ERICH2: variants seen among roughly 807,000 people sequenced by gnomAD.
ERICH2 encodes glutamate-rich protein 2.
In ERICH2, 17 loss-of-function variants were observed where a neutral mutation model predicts 17.4. That is an observed-to-expected ratio of 0.98 (90% CI 0.67 to 1.47). The LOEUF (loss-of-function observed/expected upper bound fraction) is 1.47, where lower values mean the gene tolerates loss of function less well. ERICH2 is among the 40% of genes most tolerant of loss of function. The pLI is 0.00. For missense variants in ERICH2, 186 were observed against 183.2 expected, an observed-to-expected ratio of 1.01 and a Z score of -0.09; for synonymous variants, 51 against 61.1, an observed-to-expected ratio of 0.83 and a Z score of 0.77.
intron 3 of ERICH2, among the ~76,000 whole-genome samples, chr2:170,795,844 A>G (rs1575412408): frequency 6.6e-6 from 1 of 152,200 alleles, no homozygotes; most frequent in Non-Finnish European, 1.5e-5. Flanking sequence ...GAGATTCTCT[A>G]CATAATACAT....
the ERICH2 span, chr2:170,775,712 A>G: frequency 6.5e-6 from 1 of 153,012 alleles, no homozygotes; most frequent in East Asian, 1.9e-4. Context: ...GATAGACTTT[A>G]GTCCTCTGTG....
intron 2 of ERICH2, among the ~76,000 whole-genome samples, chr2:170,788,888 T>C (rs1701216958): frequency 6.6e-6 from 1 of 152,222 alleles, no homozygotes; most frequent in African/African-American, 2.4e-5. Context: ...ATTTGCTTTA[T>C]CTTTCTCTTT....
chr2:170,782,086 G>A (rs886253240), upstream of ERICH2, among the ~76,000 whole-genome samples: 2 of 151,812 alleles, frequency 1.3e-5, no homozygotes, highest in African/African-American at 4.8e-5. Flanking sequence ...AAAATAATTT[G>A]TAATGCTTTT....
chr2:170,796,384 G>A (rs1173777658), intron 3 of ERICH2, among the ~76,000 whole-genome samples: 1 of 151,086 alleles, frequency 6.6e-6, no homozygotes, highest in Non-Finnish European at 1.5e-5. Flanking sequence ...AGCCAATGGG[G>A]TCTAATTGAA....
intron 3 of ERICH2, among the ~76,000 whole-genome samples, chr2:170,796,807 C>T (rs1701436809): frequency 1.3e-5 from 2 of 151,908 alleles, no homozygotes; most frequent in Non-Finnish European, 2.9e-5. Flanking sequence ...TTGGAGGCCA[C>T]CAAGATATTG....
chr2:170,782,333 T>G, upstream of ERICH2: 4 of 979,674 alleles, frequency 4.1e-6, no homozygotes, highest in Non-Finnish European at 4.9e-6. Context: ...AGTAAAGATA[T>G]CTTAACAAAT....
chr2:170,776,593 G>T, the ERICH2 span, among the ~76,000 whole-genome samples: 1 of 152,060 alleles, frequency 6.6e-6, no homozygotes, highest in Non-Finnish European at 1.5e-5. Context: ...GGTCAGGTTG[G>T]TCTCGAACTC....
chr2:170,776,055 G>GC, the ERICH2 span, among the ~76,000 whole-genome samples: 1 of 151,320 alleles, frequency 6.6e-6, no homozygotes, highest in Non-Finnish European at 1.5e-5. Flanking sequence ...AAGTGTGGCC[G>GC]CTCCCATACT....
the ERICH2 span, among the ~76,000 whole-genome samples, chr2:170,774,440 G>A: frequency 6.6e-6 from 1 of 152,092 alleles, no homozygotes; most frequent in African/African-American, 2.4e-5. Context: ...GTGGCACCAT[G>A]GTGATCCCCA....
At chr2:170,784,826 T>C in exon 2 of ERICH2, 4 of 1,467,210 alleles carry the variant, frequency 2.7e-6, no homozygotes, top group Non-Finnish European at 3.6e-6. Flanking sequence ...CTAGAGTTAA[T>C]GGCAGAAGTA....
chr2:170,796,452 T>TTTTC (rs373654461), intron 3 of ERICH2, among the ~76,000 whole-genome samples: 20 of 138,382 alleles, frequency 1.4e-4, no homozygotes, highest in South Asian at 7.3e-4. Context: ...TTTTTTTTTT[T>TTTTC]TGAGACAGCG....
intron 2 of ERICH2, among the ~76,000 whole-genome samples, chr2:170,785,515 A>G (rs1008074739): frequency 1.3e-5 from 2 of 152,148 alleles, no homozygotes; most frequent in Non-Finnish European, 2.9e-5. Flanking sequence ...TAAATAAGAG[A>G]GACATGTCTC....
chr2:170,794,096 CCTTT>C lies in ERICH2; in HGVS notation c.274+1185_274+1188del, dbSNP rs199952509. Among the ~76,000 whole-genome samples the C allele has an allele frequency of 9.3e-3, 1,121 of 121,154 alleles. 25 individuals are homozygous for C. The highest frequency in any genetic ancestry group is 0.034 in the African/African-American group (1,070 of 31,554). 79.5% of individuals were successfully genotyped at this position (121,154 alleles called of 152,430 possible). On this transcript the variant is annotated intron_variant, in intron 3 of 4. Coordinates refer to ENST00000409885, the Ensembl canonical transcript of ERICH2. The stretch of plus-strand genomic sequence containing the variant: ...TTTCCTTCCTTCCTTCCTTCTCTTT[CCTTT>C]CTTTCTTTTTTTTTTTTTTTTTTTT...
chr2:170,771,321 T>TCTGGGCC, the ERICH2 span: 1 of 152,116 alleles, frequency 6.6e-6, no homozygotes, highest in Non-Finnish European at 1.5e-5. The surrounding 1 kb of genome is among the most constrained non-coding windows in gnomAD (Gnocchi z 4.8). Flanking sequence ...TGGTTCTGGC[T>TCTGGGCC]CTGGGCCCCG....
chr2:170,793,995 C>CT (rs945612265), intron 3 of ERICH2, among the ~76,000 whole-genome samples: 1 of 151,146 alleles, frequency 6.6e-6, no homozygotes, highest in Non-Finnish European at 1.5e-5. Flanking sequence ...ACAAATTAGA[C>CT]TTTTTTTTCA....
At chr2:170,790,858 C>G (rs993254491) in intron 2 of ERICH2, among the ~76,000 whole-genome samples, 2 of 149,458 alleles carry the variant, frequency 1.3e-5, no homozygotes, top group African/African-American at 4.9e-5. Flanking sequence ...CACAACAACA[C>G]TAATTATTAA....
At chr2:170,778,815 T>G (rs1334249809), upstream of ERICH2, among the ~76,000 whole-genome samples, 1 of 152,140 alleles carries the variant, frequency 6.6e-6, no homozygotes, top group Non-Finnish European at 1.5e-5. Context: ...AAATTACTGT[T>G]GTATCAATGA....
intron 2 of ERICH2, among the ~76,000 whole-genome samples, chr2:170,790,703 C>G (rs934019568): frequency 6.6e-6 from 1 of 151,232 alleles, no homozygotes; most frequent in Non-Finnish European, 1.5e-5. Flanking sequence ...TCTCAGGAGG[C>G]TGAGGCAGGA....
chr2:170,771,154 C>T, the ERICH2 span: 1 of 154,672 alleles, frequency 6.5e-6, no homozygotes, highest in Non-Finnish European at 1.5e-5. The surrounding 1 kb of genome is among the most constrained non-coding windows in gnomAD (Gnocchi z 4.8). Flanking sequence ...GGTGTGTGCC[C>T]TTCGGATGGT....
Sources: gnomAD v4.1 joint callset for allele counts (sites outside exome capture counted in the v4.1 genomes callset) on GRCh38, gnomAD v4.1.1 for gene constraint, Gnocchi (gnomAD v3.1) non-coding constraint, MANE v1.5 for transcripts, NCBI Gene and HGNC (gene_info 2026-07-23, HGNC 2026-07-21) for gene names.